Variants in GPM6A observed in about 807,000 individuals in gnomAD.
The protein encoded by GPM6A is neuronal membrane glycoprotein M6-a.
In GPM6A, 7 loss-of-function variants were observed where a neutral mutation model predicts 32.1. The observed-to-expected ratio is 0.22, with a 90% confidence interval of 0.12 to 0.41. The LOEUF is 0.41. Among genes scored for constraint, GPM6A ranks in the 10% least tolerant of loss-of-function variants. The pLI, the probability that GPM6A is intolerant of heterozygous loss-of-function variation, is 1.00. For synonymous variants in GPM6A, 130 were observed against 123.4 expected (o/e 1.05, Z -0.35); for missense variants, 235 against 347.2 (o/e 0.68, Z 2.57).
chr4:175,869,888 A>G (rs1358008295), intron 1 of GPM6A, among the ~76,000 whole-genome samples: 1 of 152,240 alleles, frequency 6.6e-6, no homozygotes, highest in Non-Finnish European at 1.5e-5. Context: ...CTATGATGCA[A>G]GTACAATCAT....
At chr4:175,678,268 T>C (rs1264414029) in intron 2 of GPM6A, among the ~76,000 whole-genome samples, 1 of 152,176 alleles carries the variant, frequency 6.6e-6, no homozygotes, top group Non-Finnish European at 1.5e-5. Flanking sequence ...TCATGGTGTG[T>C]GGAAAAGTAT....
chr4:175,695,420 G>A (rs1222956295), intron 2 of GPM6A, among the ~76,000 whole-genome samples: 1 of 152,348 alleles, frequency 6.6e-6, no homozygotes, highest in African/African-American at 2.4e-5. Context: ...GCTTCCCAAA[G>A]CCTGGGGGGG....
intron 1 of GPM6A, among the ~76,000 whole-genome samples, chr4:175,743,265 G>T (rs897782902): frequency 6.6e-6 from 1 of 151,896 alleles, no homozygotes; most frequent in African/African-American, 2.4e-5. Context: ...TGATGAGGTA[G>T]GCAGACAGAG....
chr4:175,734,470 G>A (rs549613477), intron 1 of GPM6A, among the ~76,000 whole-genome samples: 4 of 152,214 alleles, frequency 2.6e-5, no homozygotes, highest in African/African-American at 9.6e-5. Context: ...TTGGGTGGCT[G>A]ACATGGTTTG....
At chr4:175,693,013 G>A (rs1428910631) in intron 2 of GPM6A, among the ~76,000 whole-genome samples, 3 of 151,904 alleles carry the variant, frequency 2.0e-5, no homozygotes, top group Non-Finnish European at 4.4e-5. Context: ...TGTTTAGCTT[G>A]ATGAAACCTA....
chr4:175,762,198 C>T (rs1271922524), intron 1 of GPM6A, among the ~76,000 whole-genome samples: 2 of 152,186 alleles, frequency 1.3e-5, no homozygotes, highest in Non-Finnish European at 2.9e-5. Context: ...TTACTTGACA[C>T]TTAGTATGCA....
intron 3 of GPM6A, among the ~76,000 whole-genome samples, chr4:175,657,917 T>G (rs1238588927): frequency 6.6e-6 from 1 of 151,962 alleles, no homozygotes; most frequent in Non-Finnish European, 1.5e-5. Context: ...TCACTACAAC[T>G]GCAAAGGGAA....
chr4:175,947,197 A>G (rs2126362740), intron 1 of GPM6A, among the ~76,000 whole-genome samples: 1 of 152,130 alleles, frequency 6.6e-6, no homozygotes, highest in South Asian at 2.1e-4. Context: ...TAAAAAAAAA[A>G]AAACACTAGC....
intron 1 of GPM6A, among the ~76,000 whole-genome samples, chr4:175,728,003 C>CA (rs36001392): frequency 0.023 from 2,250 of 96,804 alleles, 61 homozygotes; most frequent in African/African-American, 0.072. Flanking sequence ...GACTCCGTTT[C>CA]AAAAAAAAAA....
intron 4 of GPM6A, among the ~76,000 whole-genome samples, chr4:175,643,489 TTC>T (rs1741273666): frequency 6.6e-6 from 1 of 152,194 alleles, no homozygotes; most frequent in Non-Finnish European, 1.5e-5. Flanking sequence ...GCACCGGCTC[TTC>T]TCTCTGACAA....
At chr4:175,785,128 C>T (rs931619168) in intron 1 of GPM6A, among the ~76,000 whole-genome samples, 4 of 152,276 alleles carry the variant, frequency 2.6e-5, no homozygotes, top group South Asian at 2.1e-4. Context: ...AGAAACCTTG[C>T]GACTGTTGCC....
intron 1 of GPM6A, among the ~76,000 whole-genome samples, chr4:175,805,293 A>T (rs2111315076): frequency 6.6e-6 from 1 of 152,336 alleles, no homozygotes. Context: ...TTAAGAAAGA[A>T]TAGGTAATTC....
At chr4:175,883,582 C>T (rs1040122526) in intron 1 of GPM6A, among the ~76,000 whole-genome samples, 1 of 152,122 alleles carries the variant, frequency 6.6e-6, no homozygotes, top group Non-Finnish European at 1.5e-5. Flanking sequence ...ATAGATGCAT[C>T]TTCCCAAGTT....
intron 1 of GPM6A, among the ~76,000 whole-genome samples, chr4:175,927,589 T>C (rs993902724): frequency 1.3e-5 from 2 of 152,236 alleles, no homozygotes; most frequent in Non-Finnish European, 2.9e-5. Flanking sequence ...TGGTTAAGAA[T>C]GAAGGTATAA....
intron 1 of GPM6A, chr4:175,872,583 T>C (rs914969050): frequency 6.6e-6 from 1 of 152,224 alleles, no homozygotes; most frequent in Non-Finnish European, 1.5e-5. Context: ...AGAAACATTA[T>C]AAATTCCTTT....
intron 3 of GPM6A, among the ~76,000 whole-genome samples, chr4:175,671,822 G>C (rs1046001319): frequency 6.6e-6 from 1 of 152,140 alleles, no homozygotes; most frequent in Non-Finnish European, 1.5e-5. Context: ...TCCTGTCTCT[G>C]CTCTGCTCAT....
At chr4:175,796,487 T>C (rs371573520) in intron 1 of GPM6A, among the ~76,000 whole-genome samples, 1 of 152,170 alleles carries the variant, frequency 6.6e-6, no homozygotes, top group Non-Finnish European at 1.5e-5. Context: ...GATCAGAAGT[T>C]AAGTCACCTG....
In GPM6A at chr4:175,941,997, C is replaced by T. The variant is rs184661157; in HGVS notation, c.-23+60312G>A. The stretch of plus-strand genomic sequence containing the variant: ...TTGAACTAATTTACACTCCCAACAA[C>T]AATGTAAAAGTGTTTCTATTTCTCC... On this transcript the variant is annotated intron_variant, in intron 1 of 7. Transcript: ENST00000280187. Among the ~76,000 whole-genome samples the T allele has an allele frequency of 1.4e-4, 21 of 152,338 alleles. 1 individual carries two copies. The highest frequency in any genetic ancestry group is 2.4e-4 in the African/African-American group (10 of 41,586).
chr4:175,769,420 G>T (rs566234662), intron 1 of GPM6A, among the ~76,000 whole-genome samples: 38 of 152,276 alleles, frequency 2.5e-4, no homozygotes, highest in Admixed American at 9.8e-4. Context: ...ATCTGGGTTT[G>T]AAGTTGGGAG....
Sources: gnomAD v4.1 joint callset for allele counts (sites outside exome capture counted in the v4.1 genomes callset) on GRCh38, gnomAD v4.1.1 for gene constraint, MANE v1.5 for transcripts, NCBI Gene and HGNC (gene_info 2026-07-23, HGNC 2026-07-21) for gene names.